Variants in KIN observed in about 807,000 individuals in gnomAD.
KIN encodes the protein DNA/RNA-binding protein KIN17.
A neutral mutation model predicts 63.0 loss-of-function variants in KIN; 47 were observed. The observed-to-expected ratio is 0.75, with a 90% CI of 0.59 to 0.95. The LOEUF is 0.95. KIN is among the 40% of genes least tolerant of loss of function. KIN has a pLI of 0.00. For synonymous variants in KIN, 160 were observed against 157.7 expected (o/e 1.01, Z -0.11); for missense variants, 408 against 460.9 (o/e 0.89, Z 1.05).
At chr10:7,761,764 G>C (rs1011751067) in intron 11 of KIN, among the ~76,000 whole-genome samples, 6 of 152,184 alleles carry the variant, frequency 3.9e-5, no homozygotes, top group African/African-American at 1.4e-4. Flanking sequence ...CCCTTTGGGA[G>C]GCTGAAGTGG....
At chr10:7,781,159 G>A (rs1443510224) in intron 2 of KIN, among the ~76,000 whole-genome samples, 2 of 152,194 alleles carry the variant, frequency 1.3e-5, no homozygotes, top group East Asian at 1.9e-4. Context: ...AAGAGTCACA[G>A]GAGATGCCCA....
intron 1 of KIN, among the ~76,000 whole-genome samples, chr10:7,786,442 G>A (rs1836008754): frequency 6.6e-6 from 1 of 152,130 alleles, no homozygotes; most frequent in Admixed American, 6.5e-5. Context: ...GTTAAGTCTG[G>A]GTGTTACAGA....
chr10:7,756,375 G>A (rs1463651774), intron 12 of KIN, among the ~76,000 whole-genome samples: 3 of 152,108 alleles, frequency 2.0e-5, no homozygotes, highest in African/African-American at 7.2e-5. Flanking sequence ...AGACATTGTG[G>A]CAGAGACCTG....
At chr10:7,773,817 G>C (rs768935201) in intron 7 of KIN, among the ~76,000 whole-genome samples, 1 of 152,202 alleles carries the variant, frequency 6.6e-6, no homozygotes, top group African/African-American at 2.4e-5. Context: ...ACTGGTACTT[G>C]ACTCTCTTGT....
At chr10:7,761,834 T>C (rs1192770710) in intron 11 of KIN, among the ~76,000 whole-genome samples, 1 of 151,988 alleles carries the variant, frequency 6.6e-6, no homozygotes, top group East Asian at 1.9e-4. Context: ...AAGCCCCGTC[T>C]TTACTAAAAA....
chr10:7,779,180 G>T (rs1835846159), intron 4 of KIN, among the ~76,000 whole-genome samples, 161 bp from the exon 5 acceptor site: 1 of 152,156 alleles, frequency 6.6e-6, no homozygotes, highest in African/African-American at 2.4e-5. Context: ...GGCCAACACA[G>T]GTGGATCACT....
chr10:7,758,688 AAAAG>A (rs1835380581), intron 12 of KIN, among the ~76,000 whole-genome samples: 1 of 152,152 alleles, frequency 6.6e-6, no homozygotes, highest in South Asian at 2.1e-4. Flanking sequence ...AAAAAAAAAA[AAAAG>A]AAATTAATAA....
At chr10:7,781,790 C>T (rs1045678202) in intron 2 of KIN, among the ~76,000 whole-genome samples, 2 of 147,844 alleles carry the variant, frequency 1.4e-5, no homozygotes, top group Admixed American at 1.3e-4. Flanking sequence ...GGCATGTTGG[C>T]TCACACCTGT....
chr10:7,759,955 C>T lies in KIN; in HGVS notation c.1054G>A (p.Gly352Arg). The change falls in exon 12 of 13, where the codon GGA becomes AGA. Residue 352 changes from glycine (G) to arginine (R), a missense_variant. By Grantham distance (125) the Gly-to-Arg change is moderately radical. This residue lies in a region of KIN where 298 missense variants were observed against 296.0 expected (regional missense o/e 1.01). Coordinates refer to ENST00000379562, the MANE Select transcript of KIN (RefSeq NM_012311.4). ...ATGGATTCTAGGGTACCTTCATTTC[C>T]TCTGTAGCCTCCATTTAAAACTAGA... ...RILVLNGGYR[G>R]NEGTLESINE... 1 of 1,536,934 alleles carries T rather than the reference C, an allele frequency of 6.5e-7. No homozygotes were observed. Among genetic ancestry groups the T allele is most frequent in the East Asian group, 2.4e-5 (1 of 42,008 alleles).
In KIN at chr10:7,756,104, A is replaced by G. The variant is rs1188312736; in HGVS notation, c.1158T>C (p.Tyr386=). Residue 386 remains tyrosine, a synonymous_variant, in exon 13 of 13, where the codon TAT becomes TAC. Transcript: ENST00000379562. The part of the protein sequence containing the change: ...LKGRRVEGIQ[Y]EDISKLA ...CTCAGGCAAGTTTAGAAATGTCTTC[A>G]TATTGAATTCCTTCAACTCTGCGTC... is the stretch of plus-strand genomic sequence containing the variant. The G allele has an allele frequency of 6.3e-7, 1 of 1,590,692 alleles. No individual in the cohort carries two copies. The highest frequency in any genetic ancestry group is 8.6e-7 in the Non-Finnish European group (1 of 1,168,202).
intron 7 of KIN, among the ~76,000 whole-genome samples, chr10:7,771,148 G>C (rs1835659150): frequency 6.9e-6 from 1 of 145,782 alleles, no homozygotes. Flanking sequence ...ATCCACGTAA[G>C]ATAAGCTCCT....
intron 2 of KIN, among the ~76,000 whole-genome samples, chr10:7,782,500 G>A (rs932013947): frequency 1.3e-4 from 20 of 151,598 alleles, no homozygotes; most frequent in African/African-American, 4.8e-4. Context: ...CCCGGTTCAA[G>A]CAATTCTCCT....
At position 7,751,687 on chromosome 10, in the gene KIN, T is replaced by G. The variant is rs1407182081; in HGVS notation, c.*4393A>C. On this transcript the variant is annotated 3_prime_UTR_variant, in exon 13 of 13. Transcript: ENST00000379562. ...CCTACTGCATCTTTTCCATTTCCTATTTCAAAAATAGAAAAATATTAAATA... is the reference window on the plus strand; with the variant it reads ...CCTACTGCATCTTTTCCATTTCCTAGTTCAAAAATAGAAAAATATTAAATA... The G allele has an allele frequency of 6.6e-6, 1 of 152,312 alleles. No homozygotes were observed. Among genetic ancestry groups the G allele is most frequent in the African/African-American group, 2.4e-5 (1 of 41,578 alleles). The allele number at this position is 152,312 out of a possible 1,614,324, so 9.4% of individuals were successfully genotyped here. A position where few individuals can be genotyped will look rare whatever the true frequency, so the allele number is the denominator to read the frequency against.
intron 2 of KIN, among the ~76,000 whole-genome samples, chr10:7,782,096 T>G (rs115491034): frequency 2.0e-3 from 304 of 152,180 alleles, no homozygotes; most frequent in African/African-American, 6.2e-3. Flanking sequence ...ATAAACCAAT[T>G]TTTTTAAAAA....
intron 5 of KIN, among the ~76,000 whole-genome samples, chr10:7,777,494 T>A (rs1198162942): frequency 6.6e-6 from 1 of 152,206 alleles, no homozygotes; most frequent in Non-Finnish European, 1.5e-5. Context: ...TTAATGCACC[T>A]CATACACTTT....
At chr10:7,761,277 T>C (rs1835430660) in intron 11 of KIN, 1 of 152,226 alleles carries the variant, frequency 6.6e-6, no homozygotes, top group Non-Finnish European at 1.5e-5. Context: ...AAAGAATTTT[T>C]ACTTTAGGGG....
rs56204215 is a variant in KIN, at chr10:7,754,633, G to GA, written c.*1446dup. ...GGTGACAGAGTGAGACTCTGTGTCA[G>GA]AAAAAAAAAAAAAAAGAAAAAGAAA... On this transcript the variant is annotated 3_prime_UTR_variant, in exon 13 of 13. Coordinates refer to ENST00000379562, the MANE Select transcript of KIN (RefSeq NM_012311.4). 205 of 123,598 alleles carry GA rather than the reference G, an allele frequency of 1.7e-3. 5 individuals are homozygous for GA. Among genetic ancestry groups the GA allele is most frequent in the African/African-American group, 3.0e-3 (96 of 32,322 alleles). 7.7% of individuals were successfully genotyped at this position (123,598 alleles called of 1,614,324 possible).
At chr10:7,766,767 T>TA (rs1247253318) in intron 8 of KIN, among the ~76,000 whole-genome samples, 2 of 152,170 alleles carry the variant, frequency 1.3e-5, no homozygotes, top group African/African-American at 2.4e-5. Flanking sequence ...CTTATGCCTG[T>TA]AATCCCAGCA....
At chr10:7,778,707 C>A in intron 5 of KIN, 131 bp downstream of exon 5, 1 of 949,356 alleles carries the variant, frequency 1.1e-6, no homozygotes, top group East Asian at 2.4e-5. Flanking sequence ...CTACTGCACT[C>A]CAGCCTGGGC....
Sources: allele counts gnomAD v4.1 joint callset (sites outside exome capture counted in the v4.1 genomes callset), GRCh38; gene constraint gnomAD v4.1.1; regional missense constraint gnomAD v4.1.1; transcripts MANE v1.5; gene names NCBI Gene and HGNC (gene_info 2026-07-23, HGNC 2026-07-21).